The following LSM3 variants were observed in gnomAD, a reference collection of about 807,000 sequenced individuals.
LSM3 encodes the protein LSM3 homolog, U6 small nuclear RNA and mRNA degradation associated, also known as U6 snRNA-associated Sm-like protein LSm3.
Under a neutral mutation model 15.4 loss-of-function variants are expected in LSM3, and 14 were observed. That is an observed-to-expected ratio of 0.91 (90% CI 0.60 to 1.42). The LOEUF (loss-of-function observed/expected upper bound fraction) is 1.42, where lower values mean the gene tolerates loss of function less well. Ranked by LOEUF, LSM3 falls within the 40% of genes most tolerant of loss-of-function variation. The probability of loss-of-function intolerance (pLI) is 0.00; values close to 1 mark genes in which losing one functional copy is unlikely to be tolerated. For missense variants in LSM3, 88 were observed against 127.9 expected (o/e 0.69, Z 1.50); for synonymous variants, 46 against 45.1 (o/e 1.02, Z -0.08).
At chr3:14,184,109 G>A (rs1347700285) in intron 3 of LSM3, 77 bp downstream of exon 3, 22 of 1,476,158 alleles carry the variant, frequency 1.5e-5, no homozygotes, top group Non-Finnish European at 2.0e-5. Flanking sequence ...ATATTTATGG[G>A]AAGCCTGTCA....
At chr3:14,191,177 CAGCTTGCCAGTATT>C (rs1294803071) in intron 3 of LSM3, among the ~76,000 whole-genome samples, 18 of 152,104 alleles carry the variant, frequency 1.2e-4, no homozygotes, top group African/African-American at 4.3e-4. Flanking sequence ...CTGCTGGGTT[CAGCTTGCCAGTATT>C]TTATTGAGGA....
intron 3 of LSM3, among the ~76,000 whole-genome samples, chr3:14,197,572 A>G (rs1697197601): frequency 1.3e-5 from 2 of 152,230 alleles, no homozygotes; most frequent in East Asian, 1.9e-4. Flanking sequence ...GATCTGCACA[A>G]TAGCTTTCTT....
intron 1 of LSM3, among the ~76,000 whole-genome samples, chr3:14,181,177 G>C (rs1228437720): frequency 2.6e-5 from 4 of 152,164 alleles, no homozygotes; most frequent in African/African-American, 9.7e-5. Context: ...CATTAAGTGA[G>C]TGTTTTTCCA....
At chr3:14,182,491 AT>A (rs561241421) in intron 2 of LSM3, among the ~76,000 whole-genome samples, 6 of 152,078 alleles carry the variant, frequency 3.9e-5, no homozygotes, top group African/African-American at 9.6e-5. Context: ...TGCAGTAAGC[AT>A]TTTTTTACAT....
intron 3 of LSM3, among the ~76,000 whole-genome samples, chr3:14,184,961 G>A (rs1323039644): frequency 1.3e-5 from 2 of 152,090 alleles, no homozygotes; most frequent in Non-Finnish European, 2.9e-5. Context: ...GGAGGCTGAG[G>A]CAGGAGAACT....
rs139766410 is a variant in LSM3 at position 14,187,707 on chromosome 3, A to G, written c.228+3675A>G. 1.9e-3 allele frequency among the ~76,000 whole-genome samples: 287 copies of G among 152,334 alleles called. 3 individuals are homozygous for G. The highest frequency in any genetic ancestry group is 3.2e-3 in the Non-Finnish European group (220 of 68,036). On this transcript the variant is annotated intron_variant, in intron 3 of 3. Transcript: ENST00000306024. The stretch of plus-strand genomic sequence containing the variant: ...AATGAACATCAACGTTTTACCACCA[A>G]AACAGTATGGGGGACCCATAAACCA...
intron 3 of LSM3, among the ~76,000 whole-genome samples, chr3:14,193,503 C>G (rs563422104): frequency 1.3e-5 from 2 of 152,266 alleles, no homozygotes; most frequent in Admixed American, 1.3e-4. Flanking sequence ...CTAATCTTGT[C>G]TTCTGTCTTT....
chr3:14,184,133 A>C (rs1227105144), intron 3 of LSM3, 101 bp downstream of exon 3: 1 of 1,393,712 alleles, frequency 7.2e-7, no homozygotes, highest in African/African-American at 1.5e-5. Context: ...TTTGACACCT[A>C]CTTATGGACT....
intron 1 of LSM3, among the ~76,000 whole-genome samples, chr3:14,179,757 T>G (rs1697000165): frequency 2.0e-5 from 3 of 152,314 alleles, no homozygotes. Context: ...AGTGAATGAG[T>G]TAGATGATCA....
In LSM3 at chr3:14,198,231, G is replaced by A. The variant is rs979160512; in HGVS notation, c.*115G>A. The A allele has an allele frequency of 2.9e-5, 22 of 766,138 alleles. No homozygotes were observed. Among genetic ancestry groups the A allele is most frequent in the East Asian group, 5.2e-5 (2 of 38,400 alleles). The allele number at this position is 766,138 out of a possible 1,614,324, so 47.5% of individuals were successfully genotyped here. A position where few individuals can be genotyped will look rare whatever the true frequency, so the allele number is the denominator to read the frequency against. Reference sequence around the variant, plus strand: ...CATTTTGATATTAAGAAATAATTCCGGGGATTCTTCCACTCCTGAAATGAG... The same window carrying A: ...CATTTTGATATTAAGAAATAATTCCAGGGATTCTTCCACTCCTGAAATGAG... On this transcript the variant is annotated 3_prime_UTR_variant, in exon 4 of 4. Transcript: ENST00000306024.
chr3:14,181,288 G>C (rs984998726), intron 1 of LSM3, among the ~76,000 whole-genome samples: 1 of 152,152 alleles, frequency 6.6e-6, no homozygotes, highest in African/African-American at 2.4e-5. Context: ...GTATAGTCAT[G>C]ATTATTTTGC....
intron 3 of LSM3, among the ~76,000 whole-genome samples, chr3:14,190,150 G>T (rs1427819957): frequency 6.6e-6 from 1 of 152,068 alleles, no homozygotes; most frequent in Non-Finnish European, 1.5e-5. Context: ...TTGTTCCATT[G>T]GTCTATATAT....
chr3:14,191,978 G>C (rs1380388567), intron 3 of LSM3, among the ~76,000 whole-genome samples: 1 of 152,154 alleles, frequency 6.6e-6, no homozygotes, highest in Non-Finnish European at 1.5e-5. Context: ...CTGGTACGTT[G>C]TGTCTTCATT....
Position 14,190,919 on chromosome 3 carries a change from G to A in LSM3, c.228+6887G>A, listed in dbSNP as rs145692270. On this transcript the variant is annotated intron_variant, in intron 3 of 3. Transcript: ENST00000306024. ...GCCCATTCAGTATGATATTGGCTGC[G>A]GGTTTGTCATAAATAGTTCTTATTA... Among the ~76,000 whole-genome samples, 44 of 152,232 alleles carry A rather than the reference G, an allele frequency of 2.9e-4. No homozygotes were observed. The East Asian group carries it at 8.3e-3, about 29-fold the overall frequency.
rs1697204139 is a variant in LSM3 at position 14,198,232 on chromosome 3, G to C, written c.*116G>C. The C allele has an allele frequency of 1.3e-6, 1 of 755,928 alleles. No homozygotes were observed. The highest frequency in any genetic ancestry group is 2.2e-6 in the Non-Finnish European group (1 of 445,004). The allele number at this position is 755,928 out of a possible 1,614,324, so 46.8% of individuals were successfully genotyped here. Reference sequence around the variant, plus strand: ...ATTTTGATATTAAGAAATAATTCCGGGGATTCTTCCACTCCTGAAATGAGT... The same window carrying C: ...ATTTTGATATTAAGAAATAATTCCGCGGATTCTTCCACTCCTGAAATGAGT... On this transcript the variant is annotated 3_prime_UTR_variant, in exon 4 of 4. Coordinates refer to ENST00000306024, the MANE Select transcript of LSM3 (RefSeq NM_014463.3).
chr3:14,189,143 T>A (rs1697116693), intron 3 of LSM3, among the ~76,000 whole-genome samples: 1 of 152,252 alleles, frequency 6.6e-6, no homozygotes, highest in African/African-American at 2.4e-5. Flanking sequence ...CCTCCTTTTT[T>A]ATAGCTGCAC....
intron 1 of LSM3, among the ~76,000 whole-genome samples, chr3:14,180,664 T>G (rs1164392533): frequency 6.6e-6 from 1 of 151,962 alleles, no homozygotes; most frequent in South Asian, 2.1e-4. Context: ...AGTTTAATCC[T>G]CATAAGAACC....
chr3:14,184,469 C>A (rs534238570), intron 3 of LSM3, among the ~76,000 whole-genome samples: 2 of 152,114 alleles, frequency 1.3e-5, no homozygotes, highest in Non-Finnish European at 2.9e-5. Flanking sequence ...ATTAAAAAAA[C>A]CTGGGCCGGG....
At position 14,199,693 on chromosome 3, in the gene LSM3, C is replaced by T. The variant is rs1697217403; in HGVS notation, c.*1577C>T. 1 of 152,180 alleles carries T rather than the reference C, an allele frequency of 6.6e-6. No individual in the cohort carries two copies. Among genetic ancestry groups the T allele is most frequent in the Non-Finnish European group, 1.5e-5 (1 of 68,058 alleles). 9.4% of individuals were successfully genotyped at this position (152,180 alleles called of 1,614,324 possible). On this transcript the variant is annotated 3_prime_UTR_variant, in exon 4 of 4. Coordinates refer to ENST00000306024, the MANE Select transcript of LSM3 (RefSeq NM_014463.3). ...CGCTTTGTCCTTAAGCTGTAGTGGTCCCAGGAGATAACCTGTTTACAGCAG... is the reference window on the plus strand; with the variant it reads ...CGCTTTGTCCTTAAGCTGTAGTGGTTCCAGGAGATAACCTGTTTACAGCAG...
Sources: allele counts gnomAD v4.1 joint callset (sites outside exome capture counted in the v4.1 genomes callset), GRCh38; gene constraint gnomAD v4.1.1; transcripts MANE v1.5; gene names NCBI Gene and HGNC (gene_info 2026-07-23, HGNC 2026-07-21).